AUTS2: variants seen among roughly 807,000 people sequenced by gnomAD.
The protein encoded by AUTS2 is activator of transcription and developmental regulator AUTS2.
In AUTS2, 17 loss-of-function variants were observed where a neutral mutation model predicts 112.4. The ratio of observed to expected loss-of-function variants is 0.15; its 90% CI spans 0.10 to 0.23. AUTS2 has a LOEUF of 0.23. AUTS2 is among the 10% of genes least tolerant of loss of function. AUTS2 has a pLI of 1.00. For synonymous variants in AUTS2, 751 were observed against 702.7 expected (o/e 1.07, Z -1.09); for missense variants, 1,510 against 1,701.6 (o/e 0.89, Z 1.98).
intron 4 of AUTS2, among the ~76,000 whole-genome samples, chr7:70,342,135 T>A (rs1304619017): frequency 6.6e-6 from 1 of 152,062 alleles, no homozygotes; most frequent in Non-Finnish European, 1.5e-5. Flanking sequence ...TTGCCTGTCC[T>A]CTCTCTCTCC....
chr7:70,703,049 A>G (rs1809543737), intron 6 of AUTS2, among the ~76,000 whole-genome samples: 1 of 152,168 alleles, frequency 6.6e-6, no homozygotes, highest in Non-Finnish European at 1.5e-5. Flanking sequence ...ACCCAGCGAT[A>G]CTGCTGGCTT....
At chr7:70,113,423 T>C (rs1262018991) in intron 2 of AUTS2, among the ~76,000 whole-genome samples, 2 of 152,100 alleles carry the variant, frequency 1.3e-5, no homozygotes, top group African/African-American at 2.4e-5. Flanking sequence ...TCTTGAAAAA[T>C]AAAAATAGTA....
At chr7:70,473,032 C>G (rs1797451645) in intron 5 of AUTS2, among the ~76,000 whole-genome samples, 1 of 152,182 alleles carries the variant, frequency 6.6e-6, no homozygotes, top group South Asian at 2.1e-4. Context: ...ACAGTCTGAT[C>G]TTTCATTTTC....
chr7:69,989,789 A>G (rs1253627547), intron 2 of AUTS2, among the ~76,000 whole-genome samples: 2 of 152,196 alleles, frequency 1.3e-5, no homozygotes, highest in African/African-American at 4.8e-5. Context: ...ACTGGGCCAC[A>G]GAGCAGGAGG....
chr7:70,441,783 G>T (rs1276606584), intron 5 of AUTS2, among the ~76,000 whole-genome samples: 1 of 152,220 alleles, frequency 6.6e-6, no homozygotes, highest in Non-Finnish European at 1.5e-5. Flanking sequence ...AAGAAAACCA[G>T]CAAAGTCTTA....
intron 1 of AUTS2, among the ~76,000 whole-genome samples, chr7:69,704,248 A>G (rs1389922142): frequency 2.6e-5 from 4 of 151,800 alleles, no homozygotes; most frequent in Non-Finnish European, 5.9e-5. Context: ...AGTGTGCCAT[A>G]TTAGGCTCTC....
intron 5 of AUTS2, among the ~76,000 whole-genome samples, chr7:70,608,651 G>A (rs957912445): frequency 3.9e-5 from 6 of 152,194 alleles, no homozygotes; most frequent in South Asian, 2.1e-4. Flanking sequence ...TAGAGCTTCC[G>A]TGTCCCACAT....
rs542017009 is a variant in AUTS2 at position 70,393,205 on chromosome 7, C to T, written c.661-42547C>T. ...CTCACCTCCTCGGGAGACTGAAAAACTCAATCAGCTTTTCCCTTGTTCCTT... is the reference window on the plus strand; with the variant it reads ...CTCACCTCCTCGGGAGACTGAAAAATTCAATCAGCTTTTCCCTTGTTCCTT... On this transcript the variant is annotated intron_variant, in intron 4 of 18. Coordinates refer to ENST00000342771, the MANE Select transcript of AUTS2 (RefSeq NM_015570.4). 1.7e-4 allele frequency among the ~76,000 whole-genome samples: 26 copies of T among 152,298 alleles called. No individual in the cohort carries two copies. The South Asian group carries it at 4.4e-3, about 26-fold the overall frequency.
chr7:70,662,096 C>G (rs958726376), intron 5 of AUTS2, among the ~76,000 whole-genome samples: 2 of 152,198 alleles, frequency 1.3e-5, no homozygotes, highest in Admixed American at 6.5e-5. Context: ...GGCTGTCGGC[C>G]CTTCCCACAG....
At chr7:69,702,182 A>G (rs1797845850) in intron 1 of AUTS2, among the ~76,000 whole-genome samples, 1 of 152,234 alleles carries the variant, frequency 6.6e-6, no homozygotes, top group Non-Finnish European at 1.5e-5. Flanking sequence ...GGGATTGATT[A>G]GTTGCTGGTA....
intron 2 of AUTS2, among the ~76,000 whole-genome samples, chr7:69,986,953 C>T (rs1248320141): frequency 2.0e-5 from 3 of 152,034 alleles, no homozygotes; most frequent in Middle Eastern, 3.4e-3. Context: ...ATAGTAGGTT[C>T]GATATTTAGG....
At chr7:70,521,682 T>C (rs1799653984) in intron 5 of AUTS2, among the ~76,000 whole-genome samples, 1 of 152,224 alleles carries the variant, frequency 6.6e-6, no homozygotes, top group Admixed American at 6.5e-5. Context: ...ATGAGAAGTA[T>C]TTGTTGGCAC....
intron 5 of AUTS2, among the ~76,000 whole-genome samples, chr7:70,615,565 C>CTTGTTGTTGTTGTTGTTG (rs57037063): frequency 6.7e-6 from 1 of 148,480 alleles, no homozygotes; most frequent in South Asian, 2.2e-4. Context: ...AGATTTATGG[C>CTTGTTGTTGTTGTTGTTG]TTGTTGTTGT....
chr7:69,942,225 C>G (rs1176923028), intron 2 of AUTS2, among the ~76,000 whole-genome samples: 1 of 152,096 alleles, frequency 6.6e-6, no homozygotes, highest in African/African-American at 2.4e-5. Flanking sequence ...GATACTTGTT[C>G]TCAGCTACAG....
At chr7:70,073,026 C>T (rs1385884380) in intron 2 of AUTS2, among the ~76,000 whole-genome samples, 12 of 135,140 alleles carry the variant, frequency 8.9e-5, no homozygotes, top group African/African-American at 3.3e-4. Context: ...TCTCCCCTCC[C>T]CTCCCCTCCC....
intron 2 of AUTS2, among the ~76,000 whole-genome samples, chr7:70,087,935 T>C (rs1803696630): frequency 6.6e-6 from 1 of 152,140 alleles, no homozygotes; most frequent in Non-Finnish European, 1.5e-5. Context: ...TTAAGTAACA[T>C]TTGGTAGTTT....
chr7:70,647,171 T>C (rs917692168), intron 5 of AUTS2, among the ~76,000 whole-genome samples: 2 of 152,200 alleles, frequency 1.3e-5, no homozygotes, highest in South Asian at 2.1e-4. Context: ...CCTGAGCTGA[T>C]ATAAAGGAGC....
At chr7:70,054,501 C>T (rs906311892) in intron 2 of AUTS2, among the ~76,000 whole-genome samples, 1 of 152,060 alleles carries the variant, frequency 6.6e-6, no homozygotes, top group Non-Finnish European at 1.5e-5. Flanking sequence ...CTTCTGTCCC[C>T]AAAGATGGGG....
rs149097182 is a variant in AUTS2, at chr7:69,812,840, C to A, written c.310-86446C>A. On this transcript the variant is annotated intron_variant, in intron 1 of 18. Coordinates refer to ENST00000342771, the MANE Select transcript of AUTS2 (RefSeq NM_015570.4). Reference sequence around the variant, plus strand: ...TTCTCAGCACCTCTGTTGCCACTACCCTGGTCTGAGTTGCCATCATGTTTC... The same window carrying A: ...TTCTCAGCACCTCTGTTGCCACTACACTGGTCTGAGTTGCCATCATGTTTC... 2.1e-3 allele frequency among the ~76,000 whole-genome samples: 322 copies of A among 152,270 alleles called. 3 individuals carry two copies. The highest frequency in any genetic ancestry group is 7.6e-3 in the African/African-American group (315 of 41,544).
Sources: allele counts gnomAD v4.1 joint callset (sites outside exome capture counted in the v4.1 genomes callset), GRCh38; gene constraint gnomAD v4.1.1; transcripts MANE v1.5; gene names NCBI Gene and HGNC (gene_info 2026-07-23, HGNC 2026-07-21).